Variants in SDC3 observed in about 807,000 individuals in gnomAD.
SDC3 encodes the protein syndecan-3.
Under a neutral mutation model 24.4 loss-of-function variants are expected in SDC3, and 13 were observed. The ratio of observed to expected loss-of-function variants is 0.53; its 90% CI spans 0.35 to 0.85. The LOEUF is 0.85. Among genes scored for constraint, SDC3 ranks in the 40% least tolerant of loss-of-function variants. The pLI is 0.01. For missense variants in SDC3, 571 were observed against 584.5 expected (o/e 0.98, Z 0.24); for synonymous variants, 295 against 260.9 (o/e 1.13, Z -1.26).
In SDC3 at chr1:30,908,731, C is replaced by G. The variant is rs1258614334; in HGVS notation, c.-145G>C. The G allele has an allele frequency of 2.1e-4, 38 of 184,340 alleles. No individual in the cohort carries two copies. Among genetic ancestry groups the G allele is most frequent in the Non-Finnish European group, 3.4e-4 (34 of 100,884 alleles). The allele number at this position is 184,340 out of a possible 1,614,324, so 11.4% of individuals were successfully genotyped here. ...CTCGCGGGCTCCCGGCTCGGCCGCCCGGCTCCGCCTCGCAGCTCCGCGCCC... is the reference window on the plus strand; with the variant it reads ...CTCGCGGGCTCCCGGCTCGGCCGCCGGGCTCCGCCTCGCAGCTCCGCGCCC... On this transcript the variant is annotated 5_prime_UTR_variant, in exon 1 of 5. Coordinates refer to ENST00000339394, the MANE Select transcript of SDC3 (RefSeq NM_014654.4).
At chr1:30,891,513 C>T (rs373821381) in intron 1 of SDC3, among the ~76,000 whole-genome samples, 1 of 152,186 alleles carries the variant, frequency 6.6e-6, no homozygotes, top group Admixed American at 6.5e-5. Flanking sequence ...AAGCCTAAAA[C>T]CCCTTAGGCC....
intron 1 of SDC3, among the ~76,000 whole-genome samples, chr1:30,903,913 A>C (rs955851980): frequency 1.3e-5 from 2 of 151,930 alleles, no homozygotes; most frequent in Admixed American, 6.6e-5. Context: ...TCTGTGCCTC[A>C]GTTTTCTCCT....
Position 30,869,537 on chromosome 1 carries a change from A to T in SDC3, c.*3674T>A. ...GGAAGTGTTAAAAAAACAAACAAAC[A>T]AAAAAAAAAAAAAAAAAAAAAAAAC... On this transcript the variant is annotated 3_prime_UTR_variant, in exon 5 of 5. Transcript: ENST00000339394. 3.8e-5 allele frequency: 2 copies of T among 52,488 alleles called. No individual in the cohort carries two copies. Among genetic ancestry groups the T allele is most frequent in the Admixed American group, 4.7e-4 (1 of 2,126 alleles). 3.3% of individuals were successfully genotyped at this position (52,488 alleles called of 1,614,324 possible).
intron 1 of SDC3, among the ~76,000 whole-genome samples, chr1:30,882,010 T>C (rs1639752631): frequency 6.6e-6 from 1 of 152,074 alleles, no homozygotes; most frequent in Non-Finnish European, 1.5e-5. Flanking sequence ...CAGCACACGA[T>C]GGTGATAAGA....
chr1:30,882,633 C>T (rs116512290), intron 1 of SDC3, among the ~76,000 whole-genome samples: 6 of 152,288 alleles, frequency 3.9e-5, no homozygotes, highest in East Asian at 1.9e-4. Context: ...CTCACTTTCA[C>T]GGCTACCTCT....
chr1:30,893,033 T>C (rs558324322), intron 1 of SDC3, among the ~76,000 whole-genome samples: 2 of 152,220 alleles, frequency 1.3e-5, no homozygotes, highest in Non-Finnish European at 2.9e-5. Flanking sequence ...AACAGCCAAG[T>C]TGGGCTGATG....
intron 2 of SDC3, chr1:30,878,388 G>T: frequency 2.1e-6 from 1 of 475,576 alleles, no homozygotes; most frequent in African/African-American, 1.9e-5. Flanking sequence ...TGCAGACGTG[G>T]GACCCTGGAG....
intron 1 of SDC3, among the ~76,000 whole-genome samples, chr1:30,884,698 C>T (rs565086579): frequency 6.6e-6 from 1 of 152,308 alleles, no homozygotes; most frequent in African/African-American, 2.4e-5. Flanking sequence ...CTCTGCCTTT[C>T]CTTTGCCCCA....
At chr1:30,896,366 G>T (rs534274347) in intron 1 of SDC3, among the ~76,000 whole-genome samples, 62 of 152,222 alleles carry the variant, frequency 4.1e-4, no homozygotes, top group African/African-American at 1.4e-3. Flanking sequence ...CAGACACTAC[G>T]AAGTGAAATA....
At position 30,875,241 on chromosome 1, in the gene SDC3, A is replaced by G. The variant is rs561178799; in HGVS notation, c.871-653T>C. 5.5e-3 allele frequency among the ~76,000 whole-genome samples: 835 copies of G among 152,350 alleles called. 7 individuals carry two copies. Among genetic ancestry groups the G allele is most frequent in the African/African-American group, 0.016 (658 of 41,580 alleles). ...GGATGTCGCTACTTCAAAGGTGGGC[A>G]TGGAAAGGCAGGCCTGATGTCCAGG... On this transcript the variant is annotated intron_variant, in intron 3 of 4. Coordinates refer to ENST00000339394, the MANE Select transcript of SDC3 (RefSeq NM_014654.4).
intron 1 of SDC3, among the ~76,000 whole-genome samples, chr1:30,893,495 G>A (rs1047773958): frequency 6.6e-6 from 1 of 151,928 alleles, no homozygotes; most frequent in Admixed American, 6.6e-5. Context: ...AATGCCCCAG[G>A]AGCCAGCACC....
At position 30,869,746 on chromosome 1, in the gene SDC3, T is replaced by G; in HGVS notation, c.*3465A>C. 1 of 398,598 alleles carries G rather than the reference T, an allele frequency of 2.5e-6. No individual in the cohort carries two copies. The highest frequency in any genetic ancestry group is 4.4e-6 in the Non-Finnish European group (1 of 226,176). The allele number at this position is 398,598 out of a possible 1,614,324, so 24.7% of individuals were successfully genotyped here. On this transcript the variant is annotated 3_prime_UTR_variant, in exon 5 of 5. Coordinates refer to ENST00000339394, the MANE Select transcript of SDC3 (RefSeq NM_014654.4). ...GGGGAGAGAAGGGGCAGGGAAGGCC[T>G]GGGGGAGGGAATGGCAGACCCCCAC...
chr1:30,877,024 C>T lies in SDC3; in HGVS notation c.398G>A (p.Arg133His), dbSNP rs201563377. The stretch of plus-strand genomic sequence containing the variant: ...GCTGGTGGCTGGCTCCAGGGTGGGG[C>T]GCTCAGAGGGGAGCTCTTCAAATGG... ...GTPFEELPSE[R>H]PTLEPATSPL... Residue 133 changes from arginine (R) to histidine (H), a missense_variant, in exon 3 of 5, where the codon CGC becomes CAC. Arg to His is a conservative substitution (Grantham distance 29, BLOSUM62 0). This residue lies in a region of SDC3 where 497 missense variants were observed against 471.6 expected (regional missense o/e 1.05). Transcript: ENST00000339394. 4.2e-5 allele frequency: 67 copies of T among 1,613,604 alleles called. No individual in the cohort carries two copies. Among genetic ancestry groups the T allele is most frequent in the Non-Finnish European group, 4.8e-5 (57 of 1,179,950 alleles).
chr1:30,892,792 G>A (rs1220527605), intron 1 of SDC3, among the ~76,000 whole-genome samples: 1 of 152,168 alleles, frequency 6.6e-6, no homozygotes, highest in Non-Finnish European at 1.5e-5. Flanking sequence ...CAGCTTCATA[G>A]AGGACAACAC....
chr1:30,891,663 A>T (rs1262163450), intron 1 of SDC3, among the ~76,000 whole-genome samples: 1 of 151,864 alleles, frequency 6.6e-6, no homozygotes, highest in Non-Finnish European at 1.5e-5. Flanking sequence ...GGATCACGAG[A>T]TCAGGAGTTC....
rs1638583427 is a variant in SDC3 at position 30,908,612 on chromosome 1, G to A, written c.-26C>T. On this transcript the variant is annotated 5_prime_UTR_variant, in exon 1 of 5. Transcript: ENST00000339394. Reference sequence around the variant, plus strand: ...GGCGGCGGCGCGGGCGCGGGCGGCGGGCGGCGGGCGGGCGCCTTTGTTCCC... The same window carrying A: ...GGCGGCGGCGCGGGCGCGGGCGGCGAGCGGCGGGCGGGCGCCTTTGTTCCC... 3.2e-6 allele frequency: 3 copies of A among 925,854 alleles called. No individual in the cohort carries two copies. The highest frequency in any genetic ancestry group is 3.8e-6 in the Non-Finnish European group (3 of 779,400). 57.4% of individuals were successfully genotyped at this position (925,854 alleles called of 1,614,324 possible).
In SDC3 at chr1:30,876,579, A is replaced by G. The variant is rs747559871; in HGVS notation, c.843T>C (p.Thr281=). 1 of 1,513,664 alleles carries G rather than the reference A, an allele frequency of 6.6e-7. No individual in the cohort carries two copies. Among genetic ancestry groups the G allele is most frequent in the Admixed American group, 2.2e-5 (1 of 45,266 alleles). 93.8% of individuals were successfully genotyped at this position (1,513,664 alleles called of 1,614,324 possible). Residue 281 remains threonine (T), a synonymous_variant, in exon 3 of 5, where the codon ACT becomes ACC. Coordinates refer to ENST00000339394, the MANE Select transcript of SDC3 (RefSeq NM_014654.4). ...PERSTLPLGT[T]APGPTEVAQT... ...GAGCCACCTCTGTGGGTCCAGGGGC[A>G]GTGGTCCCCAGGGGCAGGGTGCTCC...
chr1:30,897,884 G>T (rs973767010), intron 1 of SDC3, among the ~76,000 whole-genome samples: 2 of 152,196 alleles, frequency 1.3e-5, no homozygotes, highest in Non-Finnish European at 2.9e-5. Context: ...TTTGCGAGTG[G>T]CAGGCACTCA....
intron 1 of SDC3, among the ~76,000 whole-genome samples, chr1:30,893,161 G>A (rs911967210): frequency 2.6e-5 from 4 of 152,124 alleles, no homozygotes; most frequent in African/African-American, 4.8e-5. Flanking sequence ...TGGGGAAGGT[G>A]CAGGGTCAGG....
Sources: gnomAD v4.1 joint callset for allele counts (sites outside exome capture counted in the v4.1 genomes callset) on GRCh38, gnomAD v4.1.1 for gene constraint, gnomAD v4.1.1 regional missense constraint, MANE v1.5 for transcripts, NCBI Gene and HGNC (gene_info 2026-07-23, HGNC 2026-07-21) for gene names.